Variants in PRKCZ observed in about 807,000 individuals in gnomAD.
The protein encoded by PRKCZ is protein kinase C zeta type.
PRKCZ carries 33 observed loss-of-function variants against 79.5 expected under a neutral mutation model. The ratio of observed to expected loss-of-function variants is 0.41; its 90% CI spans 0.31 to 0.55. The LOEUF is 0.55. Ranked by LOEUF, PRKCZ falls within the 20% of genes least tolerant of loss-of-function variation. PRKCZ has a pLI of 0.19. For synonymous variants in PRKCZ, 342 were observed against 320.9 expected (o/e 1.07, Z -0.70); for missense variants, 578 against 813.5 (o/e 0.71, Z 3.52).
intron 10 of PRKCZ, among the ~76,000 whole-genome samples, chr1:2,161,324 C>T (rs1009378256): frequency 1.3e-5 from 2 of 152,248 alleles, no homozygotes; most frequent in African/African-American, 2.4e-5. Context: ...AGGCTGTGCA[C>T]GGGAGAAGGG....
At chr1:2,144,576 C>G (rs1678098309) in intron 6 of PRKCZ, 11 of 1,379,884 alleles carry the variant, frequency 8.0e-6, no homozygotes, top group Non-Finnish European at 1.0e-5. Context: ...GCTCAGGCAG[C>G]AGGCTCAGGT....
intron 4 of PRKCZ, among the ~76,000 whole-genome samples, chr1:2,097,339 G>A (rs967073152): frequency 6.6e-6 from 1 of 152,170 alleles, no homozygotes; most frequent in Non-Finnish European, 1.5e-5. Context: ...ACCTTTCTGG[G>A]CCCCTCTCAG....
At chr1:2,090,461 T>C (rs924169859) in intron 4 of PRKCZ, among the ~76,000 whole-genome samples, 1 of 151,814 alleles carries the variant, frequency 6.6e-6, no homozygotes, top group African/African-American at 2.4e-5. Flanking sequence ...AGGATGGTGC[T>C]GGCCGTCTCA....
Position 2,101,019 on chromosome 1 carries a change from T to TA in PRKCZ, c.335-34224dup, listed in dbSNP as rs3067304. Among the ~76,000 whole-genome samples, 954 of 133,474 alleles carry TA rather than the reference T, an allele frequency of 7.1e-3. 2 individuals carry two copies. Among genetic ancestry groups the TA allele is most frequent in the Non-Finnish European group, 8.7e-3 (542 of 62,008 alleles). 87.6% of individuals were successfully genotyped at this position (133,474 alleles called of 152,430 possible). A position where few individuals can be genotyped will look rare whatever the true frequency, so the allele number is the denominator to read the frequency against. On this transcript the variant is annotated intron_variant, in intron 4 of 17. Transcript: ENST00000378567. ...AAATGACTAAGACAATTTATTTTGTTAAAAAAAAAAAAAAAAAAAGGCGTT... is the reference window on the plus strand; with the variant it reads ...AAATGACTAAGACAATTTATTTTGTTAAAAAAAAAAAAAAAAAAAAGGCGTT...
chr1:2,164,158 T>C (rs1234246053), intron 10 of PRKCZ, among the ~76,000 whole-genome samples: 1 of 152,210 alleles, frequency 6.6e-6, no homozygotes, highest in Non-Finnish European at 1.5e-5. Flanking sequence ...ATATTCATAT[T>C]GTTTTAGTTT....
intron 4 of PRKCZ, among the ~76,000 whole-genome samples, chr1:2,063,873 T>C (rs1170695387): frequency 7.0e-6 from 1 of 143,566 alleles, no homozygotes; most frequent in Non-Finnish European, 1.5e-5. Flanking sequence ...TGAGTTGGAG[T>C]CTTGGTCTGT....
chr1:2,056,516 C>T lies in PRKCZ; in HGVS notation c.226C>T (p.Leu76=), dbSNP rs751433777. Reference sequence around the variant, plus strand: ...TTGCACGGTGTCCTCCCAGATGGAGCTGGAAGAGGCTTTCCGCCTGGCCCG... The same window carrying T: ...TTGCACGGTGTCCTCCCAGATGGAGTTGGAAGAGGCTTTCCGCCTGGCCCG... The part of the protein sequence containing the change: ...DPCTVSSQME[L]EEAFRLARQC... The change falls in exon 3 of 18, where the codon CTG becomes TTG. Residue 76 remains leucine, a synonymous_variant. Transcript: ENST00000378567. 1 of 1,614,012 alleles carries T rather than the reference C, an allele frequency of 6.2e-7. No individual in the cohort carries two copies. The highest frequency in any genetic ancestry group is 8.5e-7 in the Non-Finnish European group (1 of 1,179,966).
chr1:2,155,694 T>C (rs538231932), intron 9 of PRKCZ, among the ~76,000 whole-genome samples: 14 of 145,268 alleles, frequency 9.6e-5, no homozygotes, highest in African/African-American at 1.6e-4. Context: ...ATGGTGACAA[T>C]GATGACGGTA....
chr1:2,160,264 TG>T (rs1681968417), intron 10 of PRKCZ, among the ~76,000 whole-genome samples: 1 of 151,932 alleles, frequency 6.6e-6, no homozygotes, highest in Admixed American at 6.6e-5. Flanking sequence ...TGTGTGTGTG[TG>T]TGTGTGTCAG....
chr1:2,122,519 T>C (rs1266225511), intron 4 of PRKCZ, among the ~76,000 whole-genome samples: 1 of 12,648 alleles, frequency 7.9e-5, no homozygotes, highest in African/African-American at 5.7e-4. Context: ...AGGGTCACGG[T>C]GGTGGTTAGG....
At chr1:2,138,377 G>C (rs946728274) in intron 5 of PRKCZ, among the ~76,000 whole-genome samples, 1 of 152,176 alleles carries the variant, frequency 6.6e-6, no homozygotes, top group South Asian at 2.1e-4. Context: ...GAGCCAGCGA[G>C]GTTCTGAAGA....
At chr1:2,050,907 AC>A in intron 1 of PRKCZ, 1 of 377,762 alleles carries the variant, frequency 2.6e-6, no homozygotes, top group Non-Finnish European at 4.7e-6. Context: ...CTTCCCCGGG[AC>A]CGGGTTTCCC....
chr1:2,091,852 C>G (rs917487678), intron 4 of PRKCZ, among the ~76,000 whole-genome samples: 2 of 152,150 alleles, frequency 1.3e-5, no homozygotes, highest in Admixed American at 6.5e-5. Flanking sequence ...AGGACAGATG[C>G]GCGTCCTGTG....
At chr1:2,181,725 C>T (rs1686650478) in intron 16 of PRKCZ, 2 of 441,400 alleles carry the variant, frequency 4.5e-6, no homozygotes, top group African/African-American at 2.0e-5. Flanking sequence ...CAGCTGGGTC[C>T]TGCTCTGTTC....
At position 2,153,785 on chromosome 1, in the gene PRKCZ, C is replaced by T. The variant is rs113924496; in HGVS notation, c.877-2210C>T. Among the ~76,000 whole-genome samples, 854 of 152,392 alleles carry T rather than the reference C, an allele frequency of 5.6e-3. 9 individuals carry two copies. Among genetic ancestry groups the T allele is most frequent in the African/African-American group, 0.02 (832 of 41,592 alleles). On this transcript the variant is annotated intron_variant, in intron 9 of 17. Transcript: ENST00000378567. ...TTTTGTTCTGTCTTGAAATCATCCT[C>T]TGTGGGCCGGGATGCCGAGGTGGGG...
At chr1:2,134,781 C>T (rs1675826320) in intron 4 of PRKCZ, 1 of 153,134 alleles carries the variant, frequency 6.5e-6, no homozygotes, top group African/African-American at 2.4e-5. Flanking sequence ...GGCCCAGGCT[C>T]CACTGTGGCG....
In PRKCZ at chr1:2,094,396, C is replaced by T. The variant is rs536042417; in HGVS notation, c.334+34805C>T. ...TTGGGCACTGCCCATTCTGAGGCGCCCGCTGTGCCCGGCTCGTTGAACCTT... is the reference window on the plus strand; with the variant it reads ...TTGGGCACTGCCCATTCTGAGGCGCTCGCTGTGCCCGGCTCGTTGAACCTT... On this transcript the variant is annotated intron_variant, in intron 4 of 17. Transcript: ENST00000378567. The surrounding 1 kb of genome is among the most constrained non-coding windows in gnomAD (Gnocchi z 7.3). 8.5e-5 allele frequency among the ~76,000 whole-genome samples: 13 copies of T among 152,048 alleles called. No homozygotes were observed. In the South Asian group the frequency reaches 2.7e-3, roughly 32 times the overall value.
intron 16 of PRKCZ, among the ~76,000 whole-genome samples, chr1:2,180,490 C>T (rs147823556): frequency 3.1e-4 from 47 of 151,388 alleles, no homozygotes; most frequent in Admixed American, 7.2e-4. Flanking sequence ...GACGCACAGA[C>T]GACGCGGACG....
chr1:2,084,515 C>T (rs910676445), intron 4 of PRKCZ, among the ~76,000 whole-genome samples: 1 of 152,224 alleles, frequency 6.6e-6, no homozygotes, highest in African/African-American at 2.4e-5. Context: ...GGCCGGCCGG[C>T]TCACAGATGG....
Sources: gnomAD v4.1 joint callset for allele counts (sites outside exome capture counted in the v4.1 genomes callset) on GRCh38, gnomAD v4.1.1 for gene constraint, Gnocchi (gnomAD v3.1) non-coding constraint, MANE v1.5 for transcripts, NCBI Gene and HGNC (gene_info 2026-07-23, HGNC 2026-07-21) for gene names.